The following ZNF839 variants were observed in gnomAD, a reference collection of about 807,000 sequenced individuals.
ZNF839 encodes zinc finger protein 839, also known as renal carcinoma antigen NY-REN-50.
ZNF839 carries 38 observed loss-of-function variants against 56.4 expected under a neutral mutation model. That is an observed-to-expected ratio of 0.67 (90% CI 0.52 to 0.88). ZNF839 has a LOEUF of 0.88. ZNF839 is among the 40% of genes least tolerant of loss of function. The pLI is 0.00. For synonymous variants in ZNF839, 486 were observed against 493.5 expected, an observed-to-expected ratio of 0.98 and a Z score of 0.20; for missense variants, 1,091 against 1,177.6, an observed-to-expected ratio of 0.93 and a Z score of 1.08.
At chr14:102,331,520 G>A in intron 2 of ZNF839, 102 bp from the exon 3 acceptor site, 1 of 1,032,208 alleles carries the variant, frequency 9.7e-7, no homozygotes, top group East Asian at 2.6e-5. Context: ...AAAGTGCTGG[G>A]ATTTCAGGTG....
Position 102,320,046 on chromosome 14 carries a change from C to T in ZNF839, c.281C>T (p.Pro94Leu). ...CCCCCGCGCCTGCCGCGCCTGCTCC[C>T]GCCCCAGGTGAGGCGTCGGGAGGGA... Reference protein sequence around the residue: ...TEPPRLPRLLPPQQLEAICVK... With the variant: ...TEPPRLPRLLLPQQLEAICVK... The change falls in exon 1 of 8, where the codon CCG becomes CTG. Residue 94 changes from proline to leucine, a missense_variant. Pro to Leu is a moderately conservative substitution (Grantham distance 98). Around this residue, in one of 3 missense-constraint regions of ZNF839, gnomAD observed 614 missense variants for 629.2 expected, o/e 0.98. Transcript: ENST00000442396. 8.5e-7 allele frequency: 1 copy of T among 1,181,728 alleles called. No individual in the cohort carries two copies. The highest frequency in any genetic ancestry group is 1.0e-6 in the Non-Finnish European group (1 of 956,020). 73.2% of individuals were successfully genotyped at this position (1,181,728 alleles called of 1,614,324 possible). A position where few individuals can be genotyped will look rare whatever the true frequency, so the allele number is the denominator to read the frequency against.
At chr14:102,330,425 G>A (rs1806573371) in intron 2 of ZNF839, among the ~76,000 whole-genome samples, 1 of 151,626 alleles carries the variant, frequency 6.6e-6, no homozygotes, top group South Asian at 2.1e-4. Flanking sequence ...GTAGAGACGG[G>A]GTTTTACTAT....
chr14:102,328,274 A>G (rs1597717652), intron 2 of ZNF839, among the ~76,000 whole-genome samples: 1 of 146,092 alleles, frequency 6.8e-6, no homozygotes, highest in Non-Finnish European at 1.5e-5. Flanking sequence ...GATTTGCTTG[A>G]ACTTGTGAGG....
Position 102,326,849 on chromosome 14 carries a change from T to A in ZNF839, c.1153T>A (p.Ser385Thr). Residue 385 changes from serine to threonine, a missense_variant, in exon 2 of 8, where the codon TCC becomes ACC. Ser to Thr is a moderately conservative substitution (Grantham distance 58, BLOSUM62 1). Transcript: ENST00000442396. This position sits in a 1 kb window ranked among gnomAD's most constrained non-coding sequence, Gnocchi z 4.3. ...PADPCEGGAR[S>T]CLVTESARGG... is the part of the protein sequence containing the mutation. ...GGATCCATGTGAGGGAGGGGCCCGC[T>A]CCTGCTTGGTGACAGAGTCAGCACG... The A allele has an allele frequency of 6.2e-7, 1 of 1,608,920 alleles. No individual in the cohort carries two copies. The highest frequency in any genetic ancestry group is 8.5e-7 in the Non-Finnish European group (1 of 1,177,088).
intron 2 of ZNF839, among the ~76,000 whole-genome samples, chr14:102,329,276 T>G (rs1173809541): frequency 6.6e-6 from 1 of 152,188 alleles, no homozygotes; most frequent in South Asian, 2.1e-4. Flanking sequence ...CCCAATTTCT[T>G]TGGGTATATA....
At chr14:102,333,779 G>A (rs762687612) in intron 3 of ZNF839, among the ~76,000 whole-genome samples, 3 of 152,120 alleles carry the variant, frequency 2.0e-5, no homozygotes, top group Non-Finnish European at 4.4e-5. Flanking sequence ...TGGCTGTCCT[G>A]TGAACCCCTC....
rs780763965 is a variant in ZNF839, at chr14:102,326,125, C to G, written c.429C>G (p.Leu143=). ...LPRGNSCLVG[L]HIASPQLLRV... is the part of the protein sequence containing the mutation. The stretch of plus-strand genomic sequence containing the variant: ...GGGGGAATTCCTGCCTGGTGGGGCT[C>G]CATATCGCCAGCCCTCAGCTGCTCA... Residue 143 remains leucine, a synonymous_variant, in exon 2 of 8, where the codon CTC becomes CTG. Coordinates refer to ENST00000442396, the MANE Select transcript of ZNF839 (RefSeq NM_018335.6). The surrounding 1 kb of genome is among the most constrained non-coding windows in gnomAD (Gnocchi z 4.3). 1.5e-5 allele frequency: 25 copies of G among 1,613,816 alleles called. No individual in the cohort carries two copies. In the African/African-American group the frequency reaches 3.1e-4, roughly 20 times the overall value.
At position 102,319,795 on chromosome 14, in the gene ZNF839, C is replaced by T. The variant is rs1437530516; in HGVS notation, c.30C>T (p.Gly10=). The T allele has an allele frequency of 1.7e-5, 21 of 1,231,986 alleles. No individual in the cohort carries two copies. The highest frequency in any genetic ancestry group is 7.8e-5 in the African/African-American group (5 of 64,192). The allele number at this position is 1,231,986 out of a possible 1,614,324, so 76.3% of individuals were successfully genotyped here. Residue 10 remains glycine, a synonymous_variant, in exon 1 of 8, where the codon GGC becomes GGT. Coordinates refer to ENST00000442396, the MANE Select transcript of ZNF839 (RefSeq NM_018335.6). The surrounding 1 kb of genome is among the most constrained non-coding windows in gnomAD (Gnocchi z 4.5). The part of the protein sequence containing the change: MADAEPEAG[G]GSEDGGGGGG... ...CGGATGCGGAGCCGGAGGCTGGGGG[C>T]GGCAGCGAGGATGGCGGCGGCGGCG...
At chr14:102,334,794 G>A (rs2073944797) in intron 4 of ZNF839, 148 bp downstream of exon 4, 1 of 338,140 alleles carries the variant, frequency 3.0e-6, no homozygotes, top group African/African-American at 2.2e-5. Context: ...CCCAGCTAGA[G>A]TGCAGTGGCA....
upstream of ZNF839, chr14:102,319,555 A>C (rs905916694): frequency 7.7e-6 from 4 of 517,800 alleles, no homozygotes; most frequent in African/African-American, 2.0e-5. This position sits in a 1 kb window ranked among gnomAD's most constrained non-coding sequence, Gnocchi z 4.5. Context: ...GCAATAAGGA[A>C]AATAAGGGGG....
At chr14:102,328,447 CAT>C (rs2073589296) in intron 2 of ZNF839, among the ~76,000 whole-genome samples, 3 of 127,628 alleles carry the variant, frequency 2.4e-5, no homozygotes, top group Admixed American at 8.6e-5. Context: ...TAAAAAAACA[CAT>C]AGCATGACAT....
chr14:102,324,287 G>A (rs2073289642), intron 1 of ZNF839, among the ~76,000 whole-genome samples: 1 of 152,186 alleles, frequency 6.6e-6, no homozygotes, highest in South Asian at 2.1e-4. Context: ...GTTCATGCCT[G>A]TAATCTCAGC....
intron 1 of ZNF839, among the ~76,000 whole-genome samples, chr14:102,325,657 G>A (rs1011350152): frequency 1.3e-5 from 2 of 151,846 alleles, no homozygotes; most frequent in Non-Finnish European, 2.9e-5. Context: ...ACCACGCCCA[G>A]CTCATTTTTG....
Position 102,326,103 on chromosome 14 carries a change from G to A in ZNF839, c.407G>A (p.Gly136Glu). ...QTARKSQLPR[G>E]NSCLVGLHIA... ...GCAAGAAAGAGCCAGCTGCCCCGGG[G>A]GAATTCCTGCCTGGTGGGGCTCCAT... is the stretch of plus-strand genomic sequence containing the variant. The change falls in exon 2 of 8, where the codon GGG becomes GAG. Residue 136 changes from glycine to glutamate, a missense_variant. This residue lies in a region of ZNF839 where 614 missense variants were observed against 629.2 expected (regional missense o/e 0.98). Coordinates refer to ENST00000442396, the MANE Select transcript of ZNF839 (RefSeq NM_018335.6). The surrounding 1 kb of genome is among the most constrained non-coding windows in gnomAD (Gnocchi z 4.3). The A allele has an allele frequency of 1.9e-6, 3 of 1,613,928 alleles. No homozygotes were observed. Among genetic ancestry groups the A allele is most frequent in the Non-Finnish European group, 2.5e-6 (3 of 1,179,876 alleles).
chr14:102,319,548 A>C, upstream of ZNF839: 3 of 445,146 alleles, frequency 6.7e-6, no homozygotes, highest in Admixed American at 4.7e-5. The surrounding 1 kb of genome is among the most constrained non-coding windows in gnomAD (Gnocchi z 4.5). Flanking sequence ...GTGACAGGCA[A>C]TAAGGAAAAT....
chr14:102,328,102 C>T (rs914572699), intron 2 of ZNF839, among the ~76,000 whole-genome samples: 1 of 151,686 alleles, frequency 6.6e-6, no homozygotes, highest in Non-Finnish European at 1.5e-5. Context: ...CACCTGTAAT[C>T]CCAGCACTTT....
rs540106658 is a variant in ZNF839 at position 102,333,409 on chromosome 14, G to A, written c.1417-1145G>A. On this transcript the variant is annotated intron_variant, in intron 3 of 7. Transcript: ENST00000442396. Reference sequence around the variant, plus strand: ...GAGTAGCTGGACCCACAGCACAGGCGCACACCCCCACACCCAGCTGATTTT... The same window carrying A: ...GAGTAGCTGGACCCACAGCACAGGCACACACCCCCACACCCAGCTGATTTT... Among the ~76,000 whole-genome samples, 79 of 151,602 alleles carry A rather than the reference G, an allele frequency of 5.2e-4. No homozygotes were observed. The South Asian group carries it at 6.9e-3, about 13-fold the overall frequency.
chr14:102,331,422 G>C, intron 2 of ZNF839, 200 bp from the exon 3 acceptor site: 1 of 526,194 alleles, frequency 1.9e-6, no homozygotes, highest in South Asian at 2.2e-5. Context: ...CTAATTTTTT[G>C]TATTCTTAGT....
intron 5 of ZNF839, among the ~76,000 whole-genome samples, chr14:102,336,179 AAC>A (rs1441664100): frequency 6.6e-6 from 1 of 151,794 alleles, no homozygotes; most frequent in Non-Finnish European, 1.5e-5. Flanking sequence ...TGTCTCAAAA[AAC>A]AAAACAAAAC....
Sources: allele counts gnomAD v4.1 joint callset (sites outside exome capture counted in the v4.1 genomes callset), GRCh38; gene constraint gnomAD v4.1.1; regional missense constraint gnomAD v4.1.1; non-coding constraint Gnocchi (gnomAD v3.1); transcripts MANE v1.5; gene names NCBI Gene and HGNC (gene_info 2026-07-23, HGNC 2026-07-21).